BAZ1B: variants seen among roughly 807,000 people sequenced by gnomAD.
BAZ1B encodes bromodomain adjacent to zinc finger domain 1B.
In BAZ1B, 22 loss-of-function variants were observed where a neutral mutation model predicts 153.8. That is an observed-to-expected ratio of 0.14 (90% CI 0.10 to 0.20). The LOEUF (loss-of-function observed/expected upper bound fraction) is 0.20. Among genes scored for constraint, BAZ1B ranks in the 10% least tolerant of loss-of-function variants. The pLI, the probability that BAZ1B is intolerant of heterozygous loss-of-function variation, is 1.00. For missense variants in BAZ1B, 1,325 were observed against 1,799.3 expected, an observed-to-expected ratio of 0.74 and a Z score of 4.77; for synonymous variants, 676 against 633.4, an observed-to-expected ratio of 1.07 and a Z score of -1.01.
chr7:73,465,536 A>G lies in BAZ1B; in HGVS notation c.2974T>C (p.Phe992Leu), dbSNP rs1472304890. 1 of 1,597,672 alleles carries G rather than the reference A, an allele frequency of 6.3e-7. No homozygotes were observed. Among genetic ancestry groups the G allele is most frequent in the Non-Finnish European group, 8.5e-7 (1 of 1,171,380 alleles). Residue 992 changes from phenylalanine to leucine, a missense_variant and splice_region_variant, in exon 11 of 20, where the codon TTT becomes CTT. Transcript: ENST00000339594. ...AGCTCCTTTTGACTATCACATAAAA[A>G]CCTGTAGGGGCAAAAGAGACCTGAT... is the stretch of plus-strand genomic sequence containing the variant. ...TTPKQGQNLW[F>L]LCDSQKELDE...
At chr7:73,508,538 A>G in intron 2 of BAZ1B, 67 bp from the exon 3 acceptor site, 5 of 1,471,696 alleles carry the variant, frequency 3.4e-6, no homozygotes, top group Non-Finnish European at 4.6e-6. Context: ...ATTCAAGTCA[A>G]TTCAAACATT....
intron 9 of BAZ1B, among the ~76,000 whole-genome samples, chr7:73,469,287 T>A (rs891424408): frequency 1.6e-4 from 24 of 152,162 alleles, no homozygotes; most frequent in African/African-American, 5.5e-4. Flanking sequence ...AATATCCTCA[T>A]ATTCAAGCTC....
chr7:73,520,964 C>G (rs1791012257), intron 1 of BAZ1B, among the ~76,000 whole-genome samples: 2 of 151,994 alleles, frequency 1.3e-5, no homozygotes, highest in African/African-American at 4.8e-5. Flanking sequence ...TAAAAAAAAG[C>G]AAATAAAAGC....
chr7:73,466,465 G>C, intron 9 of BAZ1B, 64 bp from the exon 10 acceptor site: 2 of 1,137,730 alleles, frequency 1.8e-6, no homozygotes, highest in Non-Finnish European at 2.7e-6. Flanking sequence ...TCAAATCTAA[G>C]CAGTACACAG....
At position 73,522,212 on chromosome 7, in the gene BAZ1B, C is replaced by T; in HGVS notation, c.-279G>A. The T allele has an allele frequency of 2.6e-6, 1 of 389,622 alleles. No homozygotes were observed. The highest frequency in any genetic ancestry group is 4.5e-6 in the Non-Finnish European group (1 of 220,322). The allele number at this position is 389,622 out of a possible 1,614,324, so 24.1% of individuals were successfully genotyped here. ...GTCCCGGCGGCCGGCAGTCACGACT[C>T]CTCCTCAGCAGCACCGGAGGAAATT... On this transcript the variant is annotated 5_prime_UTR_variant, in exon 1 of 20. Coordinates refer to ENST00000339594, the MANE Select transcript of BAZ1B (RefSeq NM_032408.4).
At chr7:73,455,787 G>A (rs750919201) in intron 13 of BAZ1B, among the ~76,000 whole-genome samples, 19 of 152,106 alleles carry the variant, frequency 1.2e-4, no homozygotes, top group Non-Finnish European at 2.4e-4. Context: ...CTAAAGAAAC[G>A]CAATAAAATC....
chr7:73,510,872 A>C lies in BAZ1B; in HGVS notation c.108-20T>G. On this transcript the variant is annotated intron_variant, in intron 1 of 19. Transcript: ENST00000339594. ...TACTCTCTGTTGGCAGTAGTTCAGG[A>C]AAACAATATGCAAGCAACAGAGACG... The C allele has an allele frequency of 1.9e-6, 3 of 1,601,606 alleles. No individual in the cohort carries two copies. The highest frequency in any genetic ancestry group is 2.6e-6 in the Non-Finnish European group (3 of 1,168,840).
At position 73,484,557 on chromosome 7, in the gene BAZ1B, T is replaced by C. The variant is rs140751605; in HGVS notation, c.891+4637A>G. Among the ~76,000 whole-genome samples, 437 of 152,038 alleles carry C rather than the reference T, an allele frequency of 2.9e-3. 2 individuals carry two copies. The highest frequency in any genetic ancestry group is 0.01 in the South Asian group (50 of 4,806). ...TACTCAGGAGGCTAAGGTAGGCGGA[T>C]TGCTTAAGCCCAGAGGTCAAGACTG... On this transcript the variant is annotated intron_variant, in intron 6 of 19. Coordinates refer to ENST00000339594, the MANE Select transcript of BAZ1B (RefSeq NM_032408.4).
At chr7:73,467,214 G>C (rs1022523195) in intron 9 of BAZ1B, among the ~76,000 whole-genome samples, 3 of 151,766 alleles carry the variant, frequency 2.0e-5, no homozygotes, top group Non-Finnish European at 2.9e-5. Context: ...TTACAGGTGT[G>C]AGCTACCACG....
chr7:73,480,241 C>G (rs1256604502), intron 6 of BAZ1B, among the ~76,000 whole-genome samples: 3 of 151,490 alleles, frequency 2.0e-5, no homozygotes, highest in Non-Finnish European at 4.4e-5. Context: ...ACCTAGCAAA[C>G]ACAGTATGTT....
At chr7:73,463,120 G>C in intron 11 of BAZ1B, 21 bp from the exon 12 acceptor site, 1 of 1,571,762 alleles carries the variant, frequency 6.4e-7, no homozygotes, top group Non-Finnish European at 8.6e-7. Context: ...TGGGACAAGA[G>C]AATGGGGAAA....
chr7:73,449,675 A>G lies in BAZ1B; in HGVS notation c.3595T>C (p.Leu1199=), dbSNP rs373863633. The G allele has an allele frequency of 1.5e-5, 24 of 1,613,872 alleles. No homozygotes were observed. Among genetic ancestry groups the G allele is most frequent in the East Asian group, 8.9e-5 (4 of 44,878 alleles). ...TTATTACACTCATCACACAAGATCA[A>G]TTTGTCATCCTCACCTGCAGAGAGA... is the stretch of plus-strand genomic sequence containing the variant. ...VCRKKGEDDK[L]ILCDECNKAF... The change falls in exon 15 of 20, where the codon TTG becomes CTG. Residue 1199 remains leucine, a synonymous_variant. Coordinates refer to ENST00000339594, the MANE Select transcript of BAZ1B (RefSeq NM_032408.4).
At chr7:73,490,379 A>T (rs1554575306) in intron 5 of BAZ1B, among the ~76,000 whole-genome samples, 1 of 152,224 alleles carries the variant, frequency 6.6e-6, no homozygotes, top group Non-Finnish European at 1.5e-5. Context: ...AGCAGGAAAC[A>T]GAGAAGGAAG....
chr7:73,497,099 TG>T (rs1426099773), intron 4 of BAZ1B, among the ~76,000 whole-genome samples: 1 of 116,752 alleles, frequency 8.6e-6, no homozygotes, highest in African/African-American at 3.7e-5. Context: ...AAAAATTAGC[TG>T]GGTGTGGTGG....
chr7:73,481,090 C>T (rs142751421), intron 6 of BAZ1B, among the ~76,000 whole-genome samples: 279 of 152,198 alleles, frequency 1.8e-3, no homozygotes, highest in African/African-American at 6.4e-3. Context: ...CCATACCTGG[C>T]TAACTTTTGT....
At chr7:73,506,556 G>C (rs1790350232) in intron 3 of BAZ1B, among the ~76,000 whole-genome samples, 1 of 145,730 alleles carries the variant, frequency 6.9e-6, no homozygotes, top group African/African-American at 2.5e-5. Context: ...CGAGGACTTG[G>C]ATTAAACATG....
chr7:73,506,477 C>A (rs112356336), intron 3 of BAZ1B, among the ~76,000 whole-genome samples: 13 of 148,118 alleles, frequency 8.8e-5, no homozygotes, highest in African/African-American at 3.2e-4. Flanking sequence ...CCAGCCTAGG[C>A]AACAGAGCGA....
chr7:73,510,788 T>A lies in BAZ1B; in HGVS notation c.172A>T (p.Ser58Cys). ...CAGGCTTCCTTGTGTGTTAGCTGAC[T>A]GCTTCCAGTACTCTTGCACGTCCAA... ...RIWTCKSTGS[S>C]QLTHKEAWEE... The change falls in exon 2 of 20, where the codon AGT becomes TGT. Residue 58 changes from serine to cysteine, a missense_variant. Coordinates refer to ENST00000339594, the MANE Select transcript of BAZ1B (RefSeq NM_032408.4). 6.2e-7 allele frequency: 1 copy of A among 1,614,200 alleles called. No individual in the cohort carries two copies.
chr7:73,474,784 A>G (rs1321411694), intron 7 of BAZ1B, among the ~76,000 whole-genome samples: 1 of 152,224 alleles, frequency 6.6e-6, no homozygotes, highest in Non-Finnish European at 1.5e-5. Context: ...CTCCCCCAAA[A>G]AAAGTAAAAG....
Sources: allele counts gnomAD v4.1 joint callset (sites outside exome capture counted in the v4.1 genomes callset), GRCh38; gene constraint gnomAD v4.1.1; transcripts MANE v1.5; gene names NCBI Gene and HGNC (gene_info 2026-07-23, HGNC 2026-07-21).